Variants in ADGRB1 observed in about 807,000 individuals in gnomAD.
ADGRB1 encodes the protein brain-specific angiogenesis inhibitor 1.
In ADGRB1, 36 loss-of-function variants were observed where a neutral mutation model predicts 175.7. The ratio of observed to expected loss-of-function variants is 0.20; its 90% CI spans 0.16 to 0.27. ADGRB1 has a LOEUF of 0.27. ADGRB1 is among the 10% of genes least tolerant of loss of function. The pLI is 1.00. For missense variants in ADGRB1, 1,731 were observed against 2,255.3 expected, an observed-to-expected ratio of 0.77 and a Z score of 4.71; for synonymous variants, 1,054 against 979.4, an observed-to-expected ratio of 1.08 and a Z score of -1.42.
chr8:142,483,694 A>ATGCTGAGCCCTGATC (rs1841507668), intron 11 of ADGRB1, among the ~76,000 whole-genome samples: 1 of 130,670 alleles, frequency 7.7e-6, no homozygotes, highest in Admixed American at 7.7e-5. Context: ...CTGACACTGC[A>ATGCTGAGCCCTGATC]CTGGTCACAT....
At chr8:142,536,874 G>A in intron 25 of ADGRB1, 113 bp from the exon 26 acceptor site, 1 of 861,638 alleles carries the variant, frequency 1.2e-6, no homozygotes, top group South Asian at 1.8e-5. Context: ...CTGCTGACCA[G>A]CCCTGCCCTT....
intron 17 of ADGRB1, among the ~76,000 whole-genome samples, chr8:142,509,371 A>C (rs964452594): frequency 6.6e-6 from 1 of 152,238 alleles, no homozygotes; most frequent in African/African-American, 2.4e-5. Context: ...TCACATAGCT[A>C]GGATAGGACA....
chr8:142,491,652 G>A (rs901760631), intron 17 of ADGRB1, among the ~76,000 whole-genome samples: 6 of 152,208 alleles, frequency 3.9e-5, no homozygotes, highest in Non-Finnish European at 8.8e-5. Context: ...TGTGCACCCT[G>A]CCGCCCGCCT....
chr8:142,508,767 C>T (rs1842950415), intron 17 of ADGRB1, among the ~76,000 whole-genome samples: 1 of 152,248 alleles, frequency 6.6e-6, no homozygotes, highest in African/African-American at 2.4e-5. Flanking sequence ...CCCTTCCAGG[C>T]TCCCACGTGC....
chr8:142,526,710 C>G (rs1844223726), intron 24 of ADGRB1, 83 bp downstream of exon 24: 1 of 1,357,574 alleles, frequency 7.4e-7, no homozygotes. Context: ...GGAGAACGCT[C>G]CATGCCCAAT....
chr8:142,495,803 T>G (rs558757222), intron 17 of ADGRB1, among the ~76,000 whole-genome samples: 4 of 152,138 alleles, frequency 2.6e-5, no homozygotes, highest in Admixed American at 2.6e-4. Flanking sequence ...AAACCATGTT[T>G]CCAAATAAAA....
chr8:142,519,590 TGTG>T (rs1183244054), intron 19 of ADGRB1, among the ~76,000 whole-genome samples: 30 of 106,690 alleles, frequency 2.8e-4, no homozygotes, highest in African/African-American at 6.3e-4. Context: ...TGGTGGTGAT[TGTG>T]GTGGTGATGG....
At chr8:142,469,836 C>G (rs1840551467) in intron 2 of ADGRB1, among the ~76,000 whole-genome samples, 1 of 152,144 alleles carries the variant, frequency 6.6e-6, no homozygotes, top group Non-Finnish European at 1.5e-5. Context: ...ACCAGAGAGG[C>G]AGGTGACCAT....
At chr8:142,530,135 GTATA>G (rs1331695154) in intron 24 of ADGRB1, among the ~76,000 whole-genome samples, 5 of 152,122 alleles carry the variant, frequency 3.3e-5, no homozygotes, top group Admixed American at 3.3e-4. Flanking sequence ...GTGTGAGTGT[GTATA>G]TAATTGGGCA....
At chr8:142,453,464 G>A (rs1032770316) in intron 1 of ADGRB1, among the ~76,000 whole-genome samples, 3 of 152,202 alleles carry the variant, frequency 2.0e-5, no homozygotes, top group East Asian at 3.9e-4. Context: ...TAACCCCTCC[G>A]GGCCCGCGAG....
intron 2 of ADGRB1, among the ~76,000 whole-genome samples, chr8:142,469,627 A>G (rs928065934): frequency 2.2e-5 from 3 of 138,314 alleles, no homozygotes; most frequent in South Asian, 2.4e-4. Context: ...ATGCACGTGC[A>G]TGTGTGTATG....
At chr8:142,479,149 C>T (rs1841186671) in intron 7 of ADGRB1, 174 bp from the exon 8 acceptor site, 3 of 657,650 alleles carry the variant, frequency 4.6e-6, no homozygotes, top group South Asian at 9.0e-5. Context: ...ACTGATTTCT[C>T]CTCTCCTGGT....
intron 1 of ADGRB1, among the ~76,000 whole-genome samples, chr8:142,462,818 T>TGG (rs1840039926): frequency 6.6e-6 from 1 of 152,038 alleles, no homozygotes. Context: ...CCAGAGGCCT[T>TGG]GGGGGTGGTG....
In ADGRB1 at chr8:142,455,983, G is replaced by C. The variant is rs192340364; in HGVS notation, c.-220+5879G>C. On this transcript the variant is annotated intron_variant, in intron 1 of 30. Coordinates refer to ENST00000517894, the MANE Select transcript of ADGRB1 (RefSeq NM_001702.3). This position sits in a 1 kb window ranked among gnomAD's most constrained non-coding sequence, Gnocchi z 4.9. ...GTAGCGCCTGTGTAGTGCCAGGGAG[G>C]GTAGGGCTGTCCAGGCAAGTCTTGG... is the stretch of plus-strand genomic sequence containing the variant. Among the ~76,000 whole-genome samples, 11 of 152,196 alleles carry C rather than the reference G, an allele frequency of 7.2e-5. No individual in the cohort carries two copies. Among genetic ancestry groups the C allele is most frequent in the Non-Finnish European group, 8.8e-5 (6 of 68,008 alleles).
intron 1 of ADGRB1, among the ~76,000 whole-genome samples, chr8:142,451,250 G>A (rs1251975438): frequency 6.6e-6 from 1 of 152,322 alleles, no homozygotes; most frequent in Non-Finnish European, 1.5e-5. Context: ...TCCTGGCCGC[G>A]GCGGCTCCTG....
intron 26 of ADGRB1, among the ~76,000 whole-genome samples, chr8:142,539,032 C>T (rs7462518): frequency 0.21 from 32,348 of 152,150 alleles, 4,824 homozygotes; most frequent in African/African-American, 0.42. Context: ...AATACACACG[C>T]ATGTACGTGT....
intron 27 of ADGRB1, 64 bp downstream of exon 27, chr8:142,539,477 C>T: frequency 1.3e-6 from 2 of 1,560,592 alleles, no homozygotes; most frequent in Non-Finnish European, 1.7e-6. Context: ...CACTCCACGC[C>T]TCCGCCTGTG....
rs373746924 is a variant in ADGRB1, at chr8:142,544,057, G to A, written c.4558-163G>A. Among the ~76,000 whole-genome samples, 425 of 152,254 alleles carry A rather than the reference G, an allele frequency of 2.8e-3. 4 individuals are homozygous for A. The highest frequency in any genetic ancestry group is 9.8e-3 in the African/African-American group (407 of 41,556). On this transcript the variant is annotated intron_variant, in intron 30 of 30. Transcript: ENST00000517894. ...TCTGTGCCTGCCGCTGCCCAGCTCT[G>A]TTCTGGGCTCTTGTCCTGAAAGCCT...
At chr8:142,478,890 G>T (rs1841165486) in intron 7 of ADGRB1, among the ~76,000 whole-genome samples, 1 of 147,086 alleles carries the variant, frequency 6.8e-6, no homozygotes, top group African/African-American at 2.5e-5. Context: ...TGGGACTTGG[G>T]GTATCCATGG....
Sources: gnomAD v4.1 joint callset for allele counts (sites outside exome capture counted in the v4.1 genomes callset) on GRCh38, gnomAD v4.1.1 for gene constraint, Gnocchi (gnomAD v3.1) non-coding constraint, MANE v1.5 for transcripts, NCBI Gene and HGNC (gene_info 2026-07-23, HGNC 2026-07-21) for gene names.